GLB1: variants seen among roughly 807,000 people sequenced by gnomAD.
The protein encoded by GLB1 is beta-galactosidase.
A neutral mutation model predicts 74.0 loss-of-function variants in GLB1; 56 were observed. That is an observed-to-expected ratio of 0.76 (90% CI 0.61 to 0.94). The LOEUF (loss-of-function observed/expected upper bound fraction) is 0.94, where lower values mean the gene tolerates loss of function less well. Among genes scored for constraint, GLB1 ranks in the 40% least tolerant of loss-of-function variants. GLB1 has a pLI of 0.00. For missense variants in GLB1, 787 were observed against 845.5 expected (o/e 0.93, Z 0.86); for synonymous variants, 323 against 323.6 (o/e 1.00, Z 0.02).
At chr3:33,046,473 A>G (rs1016435893) in intron 9 of GLB1, among the ~76,000 whole-genome samples, 1 of 152,118 alleles carries the variant, frequency 6.6e-6, no homozygotes, top group Admixed American at 6.5e-5. Context: ...CACTCTCTAC[A>G]GAAGCTCACA....
intron 4 of GLB1, among the ~76,000 whole-genome samples, chr3:33,067,746 TC>T (rs1033554586): frequency 6.6e-6 from 1 of 152,214 alleles, no homozygotes; most frequent in Non-Finnish European, 1.5e-5. Flanking sequence ...AAGCCTAATT[TC>T]CTAGAGGTTT....
chr3:33,092,562 C>T, intron 1 of GLB1: 1 of 1,210,790 alleles, frequency 8.3e-7, no homozygotes, highest in Non-Finnish European at 1.0e-6. Context: ...CATTCCACAT[C>T]ATCTGGAAAA....
the GLB1 span, among the ~76,000 whole-genome samples, chr3:32,979,592 C>T: frequency 6.6e-6 from 1 of 151,290 alleles, no homozygotes; most frequent in Non-Finnish European, 1.5e-5. Flanking sequence ...GCAGCTTACA[C>T]CTGTAATCCC....
chr3:32,999,365 G>C (rs1696452500), intron 15 of GLB1, among the ~76,000 whole-genome samples: 1 of 152,160 alleles, frequency 6.6e-6, no homozygotes, highest in African/African-American at 2.4e-5. Context: ...AGAGAAGTGG[G>C]AGGGCATTAC....
Position 33,051,996 on chromosome 3 carries a change from A to C in GLB1, c.801T>G (p.Ser267=). 1 of 1,614,196 alleles carries C rather than the reference A, an allele frequency of 6.2e-7. No individual in the cohort carries two copies. The highest frequency in any genetic ancestry group is 8.5e-7 in the Non-Finnish European group (1 of 1,180,046). Residue 267 remains serine (S), a synonymous_variant, in exon 8 of 16, where the codon TCT becomes TCG. Coordinates refer to ENST00000307363, the MANE Select transcript of GLB1 (RefSeq NM_000404.4). ...KCEPKGPLIN[S]EFYTGWLDHW... is the part of the protein sequence containing the mutation. ...GATCTAGCCAGCCAGTATAGAATTCAGAATTGATCTAAAACAAAAAAAGAA... is the reference window on the plus strand; with the variant it reads ...GATCTAGCCAGCCAGTATAGAATTCCGAATTGATCTAAAACAAAAAAAGAA...
chr3:33,080,068 G>A (rs949455585), intron 1 of GLB1, among the ~76,000 whole-genome samples: 3 of 151,464 alleles, frequency 2.0e-5, no homozygotes, highest in Non-Finnish European at 4.4e-5. Context: ...ACTGGCGTGA[G>A]CCACTGTGCC....
In GLB1 at chr3:33,051,812, A is replaced by G; in HGVS notation, c.915-14T>C. ...ATAAACATGTACCTACAAGGAAACA[A>G]AAGAACACGGTACTTCACTGTGAGC... On this transcript the variant is annotated splice_polypyrimidine_tract_variant and intron_variant, in intron 8 of 15. Coordinates refer to ENST00000307363, the MANE Select transcript of GLB1 (RefSeq NM_000404.4). 5.0e-6 allele frequency: 8 copies of G among 1,614,184 alleles called. No homozygotes were observed. The highest frequency in any genetic ancestry group is 6.8e-6 in the Non-Finnish European group (8 of 1,180,026).
intron 2 of GLB1, among the ~76,000 whole-genome samples, chr3:33,071,813 G>A (rs1699899808): frequency 6.6e-6 from 1 of 151,962 alleles, no homozygotes; most frequent in African/African-American, 2.4e-5. Context: ...AACCTAGAAA[G>A]GTCACCTCTC....
the GLB1 span, among the ~76,000 whole-genome samples, chr3:32,990,507 A>T: frequency 0.31 from 47,294 of 152,044 alleles, 8,338 homozygotes; most frequent in African/African-American, 0.49. Flanking sequence ...AAAACAAAAC[A>T]AACCCACCTA....
chr3:33,097,107 G>A lies in GLB1; in HGVS notation c.-22C>T. On this transcript the variant is annotated 5_prime_UTR_variant, in exon 1 of 16. Coordinates refer to ENST00000307363, the MANE Select transcript of GLB1 (RefSeq NM_000404.4). Reference sequence around the variant, plus strand: ...GCATGACCACCAGCCTCCCGGCTCTGCAGTCGGCGCCCAGGCCGGCCGCTT... The same window carrying A: ...GCATGACCACCAGCCTCCCGGCTCTACAGTCGGCGCCCAGGCCGGCCGCTT... 1 of 1,610,914 alleles carries A rather than the reference G, an allele frequency of 6.2e-7. No individual in the cohort carries two copies. Among genetic ancestry groups the A allele is most frequent in the Non-Finnish European group, 8.5e-7 (1 of 1,178,368 alleles).
At chr3:33,096,857 T>G (rs916369318) in intron 1 of GLB1, 154 bp downstream of exon 1, 4 of 1,405,928 alleles carry the variant, frequency 2.8e-6, no homozygotes, top group Non-Finnish European at 3.7e-6. Context: ...GCCGGTCCAC[T>G]GCCTGCGTTC....
At chr3:33,052,240 G>A (rs1457583645) in intron 7 of GLB1, among the ~76,000 whole-genome samples, 1 of 152,178 alleles carries the variant, frequency 6.6e-6, no homozygotes, top group Non-Finnish European at 1.5e-5. Context: ...TTCCTGAAAA[G>A]TGGTGCCTAT....
chr3:33,022,189 C>T (rs1366935119), intron 11 of GLB1, among the ~76,000 whole-genome samples: 1 of 152,208 alleles, frequency 6.6e-6, no homozygotes, highest in African/African-American at 2.4e-5. Context: ...CCTCACCAGA[C>T]TGTCAGCTCC....
At chr3:33,005,129 C>T (rs1233520790) in intron 15 of GLB1, among the ~76,000 whole-genome samples, 1 of 151,472 alleles carries the variant, frequency 6.6e-6, no homozygotes, top group African/African-American at 2.4e-5. Context: ...CCATCATGCC[C>T]TTGTAACTAT....
chr3:33,024,880 C>T (rs991799174), intron 10 of GLB1, among the ~76,000 whole-genome samples: 1 of 151,826 alleles, frequency 6.6e-6, no homozygotes, highest in African/African-American at 2.4e-5. Context: ...AGTCTATGCA[C>T]GAGTGATGAA....
chr3:33,002,737 A>T (rs1476723491), intron 15 of GLB1, among the ~76,000 whole-genome samples: 1 of 152,094 alleles, frequency 6.6e-6, no homozygotes, highest in Admixed American at 6.6e-5. Flanking sequence ...GTAGTTTAAA[A>T]TTTTCCAAAA....
At chr3:33,067,668 C>T (rs776112059) in intron 4 of GLB1, among the ~76,000 whole-genome samples, 5 of 152,194 alleles carry the variant, frequency 3.3e-5, no homozygotes, top group African/African-American at 1.2e-4. Flanking sequence ...GTTGGTCAAC[C>T]GCAAACAGGG....
chr3:32,990,042 G>C, the GLB1 span, among the ~76,000 whole-genome samples: 1 of 152,092 alleles, frequency 6.6e-6, no homozygotes, highest in Non-Finnish European at 1.5e-5. Flanking sequence ...AATTTTTCAG[G>C]ATACTACCAT....
At chr3:33,064,441 T>TAAAAAAAAA (rs35553546) in intron 5 of GLB1, among the ~76,000 whole-genome samples, 1 of 108,766 alleles carries the variant, frequency 9.2e-6, no homozygotes, top group Admixed American at 1.1e-4. Context: ...CTCTGTCTCC[T>TAAAAAAAAA]AAAAAAAAAA....
Sources: gnomAD v4.1 joint callset for allele counts (sites outside exome capture counted in the v4.1 genomes callset) on GRCh38, gnomAD v4.1.1 for gene constraint, MANE v1.5 for transcripts, NCBI Gene and HGNC (gene_info 2026-07-23, HGNC 2026-07-21) for gene names.